The following TEX26 variants were observed in gnomAD, a reference collection of about 807,000 sequenced individuals.
TEX26 encodes the protein testis-expressed protein 26.
Under a neutral mutation model 35.3 loss-of-function variants are expected in TEX26, and 34 were observed. The observed-to-expected ratio is 0.96, with a 90% CI of 0.73 to 1.28. The LOEUF is 1.28. TEX26 is among the 50% of genes most tolerant of loss of function. The pLI is 0.00. For synonymous variants in TEX26, 136 were observed against 111.8 expected, an observed-to-expected ratio of 1.22 and a Z score of -1.36; for missense variants, 371 against 330.1, an observed-to-expected ratio of 1.12 and a Z score of -0.96.
chr13:30,937,518 T>C (rs1566138370), intron 1 of TEX26, among the ~76,000 whole-genome samples: 1 of 152,046 alleles, frequency 6.6e-6, no homozygotes, highest in African/African-American at 2.4e-5. Flanking sequence ...AGGCTTCTTT[T>C]ACGAGTGGCA....
chr13:30,943,595 T>A (rs574581934), intron 2 of TEX26, among the ~76,000 whole-genome samples: 5 of 152,200 alleles, frequency 3.3e-5, no homozygotes, highest in South Asian at 4.1e-4. Flanking sequence ...ATGAAAACTG[T>A]GGTTTTGTCA....
chr13:30,949,466 T>C (rs889678666), intron 2 of TEX26, among the ~76,000 whole-genome samples: 1 of 152,008 alleles, frequency 6.6e-6, no homozygotes, highest in Non-Finnish European at 1.5e-5. Flanking sequence ...AGCTATACTT[T>C]CAATCCAAAT....
chr13:30,958,154 C>G, intron 4 of TEX26, among the ~76,000 whole-genome samples: 1 of 152,246 alleles, frequency 6.6e-6, no homozygotes, highest in South Asian at 2.1e-4. Context: ...CTGGGAACAC[C>G]TTTGACTGTT....
In TEX26 at chr13:30,952,746, G is replaced by T. The variant is rs530687411; in HGVS notation, c.233G>T (p.Trp78Leu). 1.2e-6 allele frequency: 2 copies of T among 1,612,636 alleles called. No individual in the cohort carries two copies. Among genetic ancestry groups the T allele is most frequent in the South Asian group, 2.2e-5 (2 of 90,852 alleles). Residue 78 changes from tryptophan (W) to leucine (L), a missense_variant, in exon 3 of 7, where the codon TGG becomes TTG. Trp to Leu is a moderately conservative substitution (Grantham distance 61, BLOSUM62 -2). Coordinates refer to ENST00000380473, the MANE Select transcript of TEX26 (RefSeq NM_152325.3). ...ACACAATATAGTGATGAGTACACTTGGAAATCACACTCTAAAGAAGATTTG... is the reference window on the plus strand; with the variant it reads ...ACACAATATAGTGATGAGTACACTTTGAAATCACACTCTAAAGAAGATTTG... The part of the protein sequence containing the change: ...NQTQYSDEYT[W>L]KSHSKEDLIK...
chr13:30,968,994 C>G lies in TEX26; in HGVS notation c.756C>G (p.Asn252Lys), dbSNP rs141984410. 130 of 1,614,120 alleles carry G rather than the reference C, an allele frequency of 8.1e-5. No homozygotes were observed. In the African/African-American group the frequency reaches 1.7e-3, roughly 21 times the overall value. ...KTYPDFLMLL[N>K]SFTSSQVKEY... ...ACCCAGATTTCTTAATGCTTTTAAA[C>G]TCATTTACTTCCTCTCAAGTCAAAG... Residue 252 changes from asparagine to lysine, a missense_variant, in exon 6 of 7, where the codon AAC becomes AAG. Transcript: ENST00000380473.
intron 2 of TEX26, among the ~76,000 whole-genome samples, chr13:30,941,174 A>C (rs528318990): frequency 2.0e-5 from 3 of 152,300 alleles, no homozygotes; most frequent in Non-Finnish European, 4.4e-5. Context: ...GACACAAAGC[A>C]CTAGGACAGT....
intron 3 of TEX26, among the ~76,000 whole-genome samples, chr13:30,953,697 TTAAAGAAAGCCATCTC>T (rs1369983490): frequency 6.6e-6 from 1 of 152,224 alleles, no homozygotes; most frequent in African/African-American, 2.4e-5. Flanking sequence ...AAGACTCACA[TTAAAGAAAGCCATCTC>T]TAAGTTCCTT....
intron 2 of TEX26, among the ~76,000 whole-genome samples, chr13:30,947,502 A>G (rs1002634692): frequency 3.9e-5 from 6 of 152,170 alleles, no homozygotes; most frequent in Non-Finnish European, 7.4e-5. Flanking sequence ...TCAGCTGACA[A>G]CTTGGTTCGG....
At chr13:30,962,886 G>A (rs1386429998) in intron 4 of TEX26, among the ~76,000 whole-genome samples, 1 of 151,774 alleles carries the variant, frequency 6.6e-6, no homozygotes, top group Non-Finnish European at 1.5e-5. Context: ...GCAGTGGCCT[G>A]ATCTTGGCTC....
intron 1 of TEX26, among the ~76,000 whole-genome samples, chr13:30,938,842 C>T (rs1953370343): frequency 6.6e-6 from 1 of 152,198 alleles, no homozygotes; most frequent in African/African-American, 2.4e-5. Flanking sequence ...ACTGGCTCCT[C>T]CTTCTCTCTC....
At chr13:30,955,079 G>A (rs532001743) in intron 3 of TEX26, among the ~76,000 whole-genome samples, 5 of 150,508 alleles carry the variant, frequency 3.3e-5, no homozygotes, top group African/African-American at 1.2e-4. Flanking sequence ...TTATTCAGGG[G>A]TGTCTAATCT....
chr13:30,932,855 G>A, intron 1 of TEX26, 79 bp downstream of exon 1: 2 of 1,499,950 alleles, frequency 1.3e-6, no homozygotes, highest in Middle Eastern at 1.7e-4. Flanking sequence ...AGAAAAAGGG[G>A]CCTTAGTATT....
chr13:30,951,229 C>A (rs1047738197), intron 2 of TEX26, among the ~76,000 whole-genome samples: 8 of 151,836 alleles, frequency 5.3e-5, no homozygotes, highest in African/African-American at 1.5e-4. Flanking sequence ...GTGGTACATG[C>A]CTGTAAGTCC....
intron 1 of TEX26, chr13:30,936,928 T>G (rs1953294426): frequency 9.1e-6 from 9 of 985,426 alleles, no homozygotes; most frequent in Non-Finnish European, 9.6e-6. Context: ...TGAAGAAAAT[T>G]AATTCCAATG....
chr13:30,961,711 T>C (rs2138302659), intron 4 of TEX26, among the ~76,000 whole-genome samples: 1 of 152,314 alleles, frequency 6.6e-6, no homozygotes, highest in East Asian at 1.9e-4. Context: ...AACTGCTCCT[T>C]TCAAGGTCTG....
At chr13:30,941,543 T>C (rs1246483743) in intron 2 of TEX26, among the ~76,000 whole-genome samples, 3 of 152,344 alleles carry the variant, frequency 2.0e-5, no homozygotes, top group Admixed American at 6.5e-5. Context: ...TTTGGTTACA[T>C]GGGTGCATTG....
At chr13:30,974,130 A>G (rs1173051158) in intron 6 of TEX26, among the ~76,000 whole-genome samples, 3 of 101,458 alleles carry the variant, frequency 3.0e-5, no homozygotes, top group African/African-American at 1.0e-4. Flanking sequence ...AAAAAAAAAA[A>G]AATATATATA....
chr13:30,932,913 C>T (rs1024327489), intron 1 of TEX26, 137 bp downstream of exon 1: 2 of 925,194 alleles, frequency 2.2e-6, no homozygotes, highest in South Asian at 2.0e-5. Flanking sequence ...GAGGAAAAGA[C>T]GGGGAGTCAG....
chr13:30,964,758 G>A (rs754955256), intron 4 of TEX26, among the ~76,000 whole-genome samples: 67 of 152,154 alleles, frequency 4.4e-4, no homozygotes, highest in Admixed American at 2.0e-4. Flanking sequence ...ATCATCCCCT[G>A]ATGGAAAATG....
Sources: gnomAD v4.1 joint callset for allele counts (sites outside exome capture counted in the v4.1 genomes callset) on GRCh38, gnomAD v4.1.1 for gene constraint, MANE v1.5 for transcripts, NCBI Gene and HGNC (gene_info 2026-07-23, HGNC 2026-07-21) for gene names.